Variants in TBC1D30 observed in about 807,000 individuals in gnomAD.
TBC1D30 encodes TBC1 domain family member 30.
TBC1D30 carries 31 observed loss-of-function variants against 63.2 expected under a neutral mutation model. That is an observed-to-expected ratio of 0.49 (90% CI 0.37 to 0.66). TBC1D30 has a LOEUF of 0.66. Among genes scored for constraint, TBC1D30 ranks in the 30% least tolerant of loss-of-function variants. The pLI, the probability that TBC1D30 is intolerant of heterozygous loss-of-function variation, is 0.00. For synonymous variants in TBC1D30, 307 were observed against 361.5 expected (o/e 0.85, Z 1.71); for missense variants, 810 against 953.6 (o/e 0.85, Z 1.98).
chr12:64,792,489 G>A (rs562756168), intron 2 of TBC1D30, among the ~76,000 whole-genome samples: 1 of 152,276 alleles, frequency 6.6e-6, no homozygotes, highest in East Asian at 1.9e-4. Context: ...CTGGTTTTAG[G>A]TTCCCTTCTG....
intron 2 of TBC1D30, among the ~76,000 whole-genome samples, chr12:64,793,889 C>A (rs920747040): frequency 1.3e-5 from 2 of 152,192 alleles, no homozygotes; most frequent in Non-Finnish European, 2.9e-5. Context: ...CTTTCTTTGT[C>A]TCTCTCCTGT....
intron 8 of TBC1D30, among the ~76,000 whole-genome samples, chr12:64,861,813 T>G (rs1385413979): frequency 1.3e-5 from 2 of 152,220 alleles, no homozygotes; most frequent in African/African-American, 4.8e-5. Context: ...TGTTTGTGAC[T>G]GACTTCCTGT....
At chr12:64,772,479 G>T (rs2136279314) in intron 1 of TBC1D30, among the ~76,000 whole-genome samples, 1 of 151,998 alleles carries the variant, frequency 6.6e-6, no homozygotes, top group African/African-American at 2.4e-5. Context: ...GCCCAGGCTG[G>T]AGTGCAGTGG....
chr12:64,793,918 T>C (rs2136306173), intron 2 of TBC1D30, among the ~76,000 whole-genome samples: 1 of 152,342 alleles, frequency 6.6e-6, no homozygotes, highest in Middle Eastern at 3.4e-3. Flanking sequence ...TCTTGTATCC[T>C]GGATCTTATA....
chr12:64,839,788 G>A (rs1023925335), intron 7 of TBC1D30, among the ~76,000 whole-genome samples: 3 of 151,970 alleles, frequency 2.0e-5, no homozygotes, highest in Non-Finnish European at 2.9e-5. Flanking sequence ...AGTGGGTCAC[G>A]AGTTCAGGAG....
intron 1 of TBC1D30, 139 bp downstream of exon 1, chr12:64,825,172 G>A: frequency 7.8e-7 from 1 of 1,276,230 alleles, no homozygotes; most frequent in Non-Finnish European, 1.0e-6. Flanking sequence ...CACCGCGTTG[G>A]CACCTGCAGG....
In TBC1D30 at chr12:64,875,522, G is replaced by T; in HGVS notation, c.2020G>T (p.Val674Leu). The change falls in exon 12 of 12, where the codon GTG becomes TTG. Residue 674 changes from valine (V) to leucine (L), a missense_variant. Physicochemically the swap from Val to Leu is conservative, Grantham distance 32. Transcript: ENST00000539867. ...TGCTGCAGCTGAAACTGAGCTCAGG[G>T]TGCACCCACCCTGCCAGCGGCACTG... Reference protein sequence around the residue: ...RDAAAETELRVHPPCQRHCPE... With the variant: ...RDAAAETELRLHPPCQRHCPE... 6.5e-7 allele frequency: 1 copy of T among 1,536,092 alleles called. No individual in the cohort carries two copies. Among genetic ancestry groups the T allele is most frequent in the Non-Finnish European group, 8.7e-7 (1 of 1,146,916 alleles).
chr12:64,821,765 A>G (rs562055388), upstream of TBC1D30, among the ~76,000 whole-genome samples: 4 of 152,346 alleles, frequency 2.6e-5, no homozygotes, highest in East Asian at 3.9e-4. Context: ...GGATACAAAC[A>G]TGTACCAAAA....
intron 2 of TBC1D30, among the ~76,000 whole-genome samples, chr12:64,814,269 G>C (rs115752185): frequency 2.6e-5 from 4 of 152,012 alleles, no homozygotes; most frequent in African/African-American, 9.7e-5. Flanking sequence ...CTGGTCTTAA[G>C]CTCCTGGTCT....
At chr12:64,780,924 C>G in exon 1 of TBC1D30, 1 of 1,040,144 alleles carries the variant, frequency 9.6e-7, no homozygotes, top group Non-Finnish European at 1.2e-6. Flanking sequence ...ATTCCTGCAG[C>G]TCCCCCAGCC....
chr12:64,852,280 C>T (rs935726369), intron 8 of TBC1D30, among the ~76,000 whole-genome samples: 6 of 151,834 alleles, frequency 4.0e-5, no homozygotes, highest in Non-Finnish European at 5.9e-5. Context: ...TCCTTTCTTC[C>T]GCTTGATCAG....
chr12:64,869,432 T>C (rs1878478991), intron 10 of TBC1D30, among the ~76,000 whole-genome samples: 1 of 152,182 alleles, frequency 6.6e-6, no homozygotes, highest in Non-Finnish European at 1.5e-5. Flanking sequence ...TGGTATGTGC[T>C]CTTCTGTCAT....
intron 11 of TBC1D30, among the ~76,000 whole-genome samples, chr12:64,872,050 T>C (rs1169437008): frequency 6.6e-6 from 1 of 152,192 alleles, no homozygotes; most frequent in Non-Finnish European, 1.5e-5. Flanking sequence ...TGTTTTGAGA[T>C]GGAGTCTTAC....
chr12:64,831,891 T>C (rs1874889121), intron 4 of TBC1D30, among the ~76,000 whole-genome samples: 1 of 152,226 alleles, frequency 6.6e-6, no homozygotes, highest in African/African-American at 2.4e-5. Flanking sequence ...GTTGAAAATT[T>C]GCCTGACTGA....
intron 1 of TBC1D30, among the ~76,000 whole-genome samples, chr12:64,764,782 GTT>G (rs1188414196): frequency 1.3e-5 from 2 of 152,202 alleles, no homozygotes; most frequent in African/African-American, 4.8e-5. Flanking sequence ...AGCTCCATAA[GTT>G]TGTACAGATG....
chr12:64,862,515 C>G (rs961023768), intron 8 of TBC1D30, among the ~76,000 whole-genome samples: 3 of 152,164 alleles, frequency 2.0e-5, no homozygotes, highest in Non-Finnish European at 2.9e-5. Flanking sequence ...AGACCATCAT[C>G]CCTGGGGCAG....
intron 10 of TBC1D30, 77 bp downstream of exon 10, chr12:64,866,980 A>T: frequency 6.8e-7 from 1 of 1,460,026 alleles, no homozygotes; most frequent in South Asian, 1.3e-5. Context: ...TGTCCTATAG[A>T]TGCCCCAGTA....
chr12:64,843,513 C>T (rs1592625140), intron 8 of TBC1D30, 28 bp downstream of exon 8: 1 of 1,520,302 alleles, frequency 6.6e-7, no homozygotes, highest in Non-Finnish European at 8.8e-7. Context: ...AGCAGCTTGG[C>T]TCGGGGAACC....
intron 8 of TBC1D30, among the ~76,000 whole-genome samples, chr12:64,850,826 T>C (rs1168726294): frequency 6.6e-6 from 1 of 152,176 alleles, no homozygotes; most frequent in East Asian, 1.9e-4. Context: ...TTTCTATTGA[T>C]TGGAATAGTT....
Sources: allele counts gnomAD v4.1 joint callset (sites outside exome capture counted in the v4.1 genomes callset), GRCh38; gene constraint gnomAD v4.1.1; transcripts MANE v1.5; gene names NCBI Gene and HGNC (gene_info 2026-07-23, HGNC 2026-07-21).